The following MAGI1 variants were observed in gnomAD, a reference collection of about 807,000 sequenced individuals.
MAGI1 encodes the protein membrane-associated guanylate kinase, WW and PDZ domain-containing protein 1.
Under a neutral mutation model 139.9 loss-of-function variants are expected in MAGI1, and 58 were observed. That is an observed-to-expected ratio of 0.41 (90% CI 0.34 to 0.52). The LOEUF is 0.52. Ranked by LOEUF, MAGI1 falls within the 20% of genes least tolerant of loss-of-function variation. The pLI is 0.12. For missense variants in MAGI1, 1,874 were observed against 1,901.6 expected, an observed-to-expected ratio of 0.99 and a Z score of 0.27; for synonymous variants, 812 against 737.9, an observed-to-expected ratio of 1.10 and a Z score of -1.63.
chr3:65,366,394 A>G (rs1941418224), intron 18 of MAGI1, among the ~76,000 whole-genome samples: 1 of 152,216 alleles, frequency 6.6e-6, no homozygotes, highest in South Asian at 2.1e-4. Context: ...GTGAATTGTT[A>G]GGTGAATCCC....
intron 1 of MAGI1, among the ~76,000 whole-genome samples, chr3:65,645,327 A>G (rs1393030204): frequency 6.6e-6 from 1 of 152,170 alleles, no homozygotes; most frequent in Non-Finnish European, 1.5e-5. Flanking sequence ...TTACATAGAA[A>G]AAATAGAGTG....
At chr3:65,753,300 T>C (rs2036302698) in intron 1 of MAGI1, among the ~76,000 whole-genome samples, 1 of 152,056 alleles carries the variant, frequency 6.6e-6, no homozygotes, top group African/African-American at 2.4e-5. Flanking sequence ...CACTCTGCCA[T>C]CATCAACCCA....
chr3:65,564,709 G>A (rs770610378), intron 2 of MAGI1, among the ~76,000 whole-genome samples: 3 of 152,176 alleles, frequency 2.0e-5, no homozygotes, highest in Admixed American at 1.3e-4. Context: ...TGTGCATTCC[G>A]ATGTCCTAAC....
chr3:65,822,546 T>C (rs1421797390), intron 1 of MAGI1, among the ~76,000 whole-genome samples: 1 of 151,822 alleles, frequency 6.6e-6, no homozygotes, highest in Non-Finnish European at 1.5e-5. Flanking sequence ...AAAAAATAAA[T>C]AATAAATAAA....
intron 1 of MAGI1, among the ~76,000 whole-genome samples, chr3:65,663,035 C>A (rs568435758): frequency 6.6e-6 from 1 of 152,270 alleles, no homozygotes; most frequent in South Asian, 2.1e-4. Flanking sequence ...AAAGGAGGTA[C>A]ACCTACCCAT....
At chr3:65,833,711 C>CT (rs1297473215) in intron 1 of MAGI1, among the ~76,000 whole-genome samples, 1 of 152,106 alleles carries the variant, frequency 6.6e-6, no homozygotes, top group African/African-American at 2.4e-5. Flanking sequence ...CAAGTGCCAG[C>CT]TTTTTTCCAC....
chr3:65,808,317 A>G (rs2041007509), intron 1 of MAGI1, among the ~76,000 whole-genome samples: 1 of 151,970 alleles, frequency 6.6e-6, no homozygotes, highest in African/African-American at 2.4e-5. Flanking sequence ...CCTTGTCAAC[A>G]TGGTGAAACC....
intron 1 of MAGI1, among the ~76,000 whole-genome samples, chr3:65,974,123 C>A (rs2065139055): frequency 6.6e-6 from 1 of 151,778 alleles, no homozygotes; most frequent in Non-Finnish European, 1.5e-5. Flanking sequence ...AAATTTAATA[C>A]TATGAAAGTA....
intron 10 of MAGI1, among the ~76,000 whole-genome samples, chr3:65,434,811 G>C (rs906500432): frequency 2.0e-5 from 3 of 152,066 alleles, no homozygotes; most frequent in African/African-American, 7.2e-5. Flanking sequence ...TGGATCAACA[G>C]AGAGACTACA....
chr3:65,634,493 C>T (rs572370052), intron 1 of MAGI1, among the ~76,000 whole-genome samples: 1 of 152,206 alleles, frequency 6.6e-6, no homozygotes, highest in South Asian at 2.1e-4. Context: ...TAGTTCAGAT[C>T]GAGGCCCCAA....
At chr3:65,535,907 G>C (rs1398919257) in intron 2 of MAGI1, among the ~76,000 whole-genome samples, 1 of 152,114 alleles carries the variant, frequency 6.6e-6, no homozygotes, top group East Asian at 1.9e-4. Context: ...TTGAGTTTAA[G>C]GACCATGTTG....
chr3:65,551,531 A>C (rs1576294562), intron 2 of MAGI1, among the ~76,000 whole-genome samples: 1 of 151,888 alleles, frequency 6.6e-6, no homozygotes. Flanking sequence ...CGATTTCCTG[A>C]CCTCGTGATC....
intron 1 of MAGI1, among the ~76,000 whole-genome samples, chr3:65,989,729 G>A (rs2066065578): frequency 6.6e-6 from 1 of 152,028 alleles, no homozygotes; most frequent in African/African-American, 2.4e-5. Flanking sequence ...GTAGAGACAG[G>A]GTTTTGCCAC....
chr3:65,715,077 T>C (rs1185396901), intron 1 of MAGI1, among the ~76,000 whole-genome samples: 2 of 151,878 alleles, frequency 1.3e-5, no homozygotes, highest in Admixed American at 1.3e-4. Flanking sequence ...AAAAAGAAGG[T>C]GGGAAATCTA....
intron 1 of MAGI1, chr3:65,893,696 T>C (rs1368069919): frequency 6.6e-6 from 1 of 152,234 alleles, no homozygotes; most frequent in Non-Finnish European, 1.5e-5. Flanking sequence ...GAATTCATGA[T>C]TTCTTTATTA....
intron 2 of MAGI1, among the ~76,000 whole-genome samples, chr3:65,502,689 A>G (rs1315487182): frequency 6.6e-6 from 1 of 152,188 alleles, no homozygotes; most frequent in Non-Finnish European, 1.5e-5. Context: ...TGGGGCATTA[A>G]TTCCATCACG....
intron 1 of MAGI1, among the ~76,000 whole-genome samples, chr3:65,842,887 C>T (rs532413644): frequency 6.6e-6 from 1 of 152,096 alleles, no homozygotes; most frequent in African/African-American, 2.4e-5. Flanking sequence ...GAATATGATC[C>T]TTCCAATGGG....
At chr3:65,928,686 C>G (rs975259278) in intron 1 of MAGI1, among the ~76,000 whole-genome samples, 3 of 152,106 alleles carry the variant, frequency 2.0e-5, no homozygotes, top group Admixed American at 6.5e-5. Flanking sequence ...GTTCTAATCA[C>G]TAGAGAAAAT....
chr3:65,379,436 C>A lies in MAGI1; in HGVS notation c.2820G>T (p.Thr940=), dbSNP rs763326793. The A allele has an allele frequency of 3.1e-6, 5 of 1,613,738 alleles. No homozygotes were observed. The African/African-American group carries it at 4.0e-5, about 13-fold the overall frequency. The change falls in exon 17 of 23, where the codon ACG becomes ACT. Residue 940 remains threonine (T), a synonymous_variant. Coordinates refer to ENST00000402939, the MANE Select transcript of MAGI1 (RefSeq NM_001033057.2). ...TGGTGCTGCCGCTGCCCGAGCTCAC[C>A]GTGTTCAGCGAGTTCTGGCTGCCCT... ...TPQGSQNSLN[T]VSSGSGSTSG...
Sources: allele counts gnomAD v4.1 joint callset (sites outside exome capture counted in the v4.1 genomes callset), GRCh38; gene constraint gnomAD v4.1.1; transcripts MANE v1.5; gene names NCBI Gene and HGNC (gene_info 2026-07-23, HGNC 2026-07-21).